Variants in SBNO2 observed in about 807,000 individuals in gnomAD.
The protein encoded by SBNO2 is strawberry notch homolog 2.
Under a neutral mutation model 146.3 loss-of-function variants are expected in SBNO2, and 89 were observed. The observed-to-expected ratio is 0.61, with a 90% confidence interval of 0.51 to 0.73. The LOEUF (loss-of-function observed/expected upper bound fraction) is 0.73, where lower values mean the gene tolerates loss of function less well. Among genes scored for constraint, SBNO2 ranks in the 30% least tolerant of loss-of-function variants. The pLI is 0.00. For missense variants in SBNO2, 2,092 were observed against 2,003.7 expected (o/e 1.04, Z -0.84); for synonymous variants, 1,147 against 892.6 (o/e 1.29, Z -5.08).
At chr19:1,164,544 G>A (rs1442209560) in intron 1 of SBNO2, among the ~76,000 whole-genome samples, 11 of 92,094 alleles carry the variant, frequency 1.2e-4, no homozygotes, top group Non-Finnish European at 1.4e-4. Context: ...AGGAGGAGGA[G>A]GAGGAGGAAC....
chr19:1,167,496 T>A (rs181042414), intron 1 of SBNO2, among the ~76,000 whole-genome samples: 1 of 152,324 alleles, frequency 6.6e-6, no homozygotes, highest in Non-Finnish European at 1.5e-5. Flanking sequence ...GAGGCCCCAC[T>A]TCCCTGCTTT....
chr19:1,160,603 C>G (rs1477217081), intron 1 of SBNO2, among the ~76,000 whole-genome samples: 8 of 152,098 alleles, frequency 5.3e-5, no homozygotes, highest in Admixed American at 5.2e-4. Flanking sequence ...GGTCTCGGCT[C>G]ACTGCAGCCT....
Position 1,163,478 on chromosome 19 carries a change from G to A in SBNO2, c.-126-9076C>T, listed in dbSNP as rs963368586. On this transcript the variant is annotated intron_variant, in intron 1 of 31. Transcript: ENST00000361757. The stretch of plus-strand genomic sequence containing the variant: ...TTTGCAGCACTGCTGCGGCCGCCAC[G>A]AGAAGCTCGTCCAGGGAGGAGGCTG... Among the ~76,000 whole-genome samples the A allele has an allele frequency of 5.3e-5, 8 of 152,350 alleles. No individual in the cohort carries two copies. The South Asian group carries it at 8.3e-4, about 16-fold the overall frequency.
At chr19:1,165,748 TCTCAGAC>T (rs139107481) in intron 1 of SBNO2, among the ~76,000 whole-genome samples, 7,005 of 50,858 alleles carry the variant, frequency 0.14, 1,290 homozygotes, top group East Asian at 0.3. Context: ...AGACCCCAGA[TCTCAGAC>T]CCCAGACCCC....
At chr19:1,127,472 G>A (rs1251234944) in intron 5 of SBNO2, 132 bp downstream of exon 5, 16 of 869,876 alleles carry the variant, frequency 1.8e-5, no homozygotes, top group Non-Finnish European at 2.2e-5. Flanking sequence ...CACAGATGGC[G>A]CCGACAGTGA....
Position 1,117,989 on chromosome 19 carries a change from A to T in SBNO2, c.1528-490T>A, listed in dbSNP as rs1599833686. Among the ~76,000 whole-genome samples the T allele has an allele frequency of 2.0e-5, 3 of 152,330 alleles. No individual in the cohort carries two copies. In the South Asian group the frequency reaches 6.2e-4, roughly 32 times the overall value. ...AGTGCTCAGGACGGCCCCACCCCGGAGAGCAACCCGGCCCTGGGGGTTACG... is the reference window on the plus strand; with the variant it reads ...AGTGCTCAGGACGGCCCCACCCCGGTGAGCAACCCGGCCCTGGGGGTTACG... On this transcript the variant is annotated intron_variant, in intron 14 of 31. Transcript: ENST00000361757.
intron 1 of SBNO2, among the ~76,000 whole-genome samples, chr19:1,170,144 C>A (rs149488973): frequency 2.6e-5 from 4 of 152,334 alleles, no homozygotes; most frequent in Admixed American, 6.5e-5. Flanking sequence ...GACGACAGAT[C>A]TAATCTCCGC....
At chr19:1,165,191 G>A (rs554908245) in intron 1 of SBNO2, among the ~76,000 whole-genome samples, 10 of 152,234 alleles carry the variant, frequency 6.6e-5, no homozygotes, top group African/African-American at 2.4e-4. Context: ...ATCTGACCCC[G>A]CCGTCAGGAG....
chr19:1,132,284 A>G (rs1448730103), intron 4 of SBNO2: 3 of 1,309,176 alleles, frequency 2.3e-6, no homozygotes, highest in Non-Finnish European at 2.9e-6. Context: ...CGGTTTAGTC[A>G]CCGCCGCCGG....
At chr19:1,149,776 G>A (rs913728241) in intron 2 of SBNO2, among the ~76,000 whole-genome samples, 10 of 152,208 alleles carry the variant, frequency 6.6e-5, no homozygotes, top group African/African-American at 2.2e-4. Flanking sequence ...TGGGGGTGCC[G>A]CTGGCCCCGG....
chr19:1,113,028 C>G, intron 19 of SBNO2, 79 bp from the exon 20 acceptor site: 1 of 1,477,458 alleles, frequency 6.8e-7, no homozygotes, highest in South Asian at 1.3e-5. Context: ...CTCAGCTTCC[C>G]TATGTCCTAC....
At chr19:1,141,938 C>A (rs1296285052) in intron 4 of SBNO2, among the ~76,000 whole-genome samples, 1 of 151,964 alleles carries the variant, frequency 6.6e-6, no homozygotes, top group Non-Finnish European at 1.5e-5. Context: ...TCAAACATGA[C>A]CTCCTGCATT....
At chr19:1,121,305 G>A (rs753006102) in intron 11 of SBNO2, among the ~76,000 whole-genome samples, 12 of 152,228 alleles carry the variant, frequency 7.9e-5, no homozygotes, top group Non-Finnish European at 1.3e-4. Context: ...GCAGCTCAGC[G>A]AGGTATGATC....
Position 1,112,958 on chromosome 19 carries a change from G to A in SBNO2, c.2248-9C>T, listed in dbSNP as rs763124490. On this transcript the variant is annotated splice_polypyrimidine_tract_variant and intron_variant, in intron 19 of 31. Transcript: ENST00000361757. The surrounding 1 kb of genome is among the most constrained non-coding windows in gnomAD (Gnocchi z 5.9). ...CCTTTCCTGCCGGTCATCTGCAGCC[G>A]AGACAGGGACAAAACCGGCCGTCAG... 1.1e-5 allele frequency: 17 copies of A among 1,556,812 alleles called. No homozygotes were observed. The highest frequency in any genetic ancestry group is 3.3e-4 in the Middle Eastern group (2 of 5,992).
rs773486482 is a variant in SBNO2 at position 1,110,775 on chromosome 19, G to T, written c.2998C>A (p.Arg1000=). 3.1e-6 allele frequency: 5 copies of T among 1,613,212 alleles called. No individual in the cohort carries two copies. The African/African-American group carries it at 4.0e-5, about 13-fold the overall frequency. Residue 1000 remains arginine, a synonymous_variant, in exon 26 of 32, where the codon CGG becomes AGG. Coordinates refer to ENST00000361757, the MANE Select transcript of SBNO2 (RefSeq NM_014963.3). This position sits in a 1 kb window ranked among gnomAD's most constrained non-coding sequence, Gnocchi z 4.9. Reference sequence around the variant, plus strand: ...ATGCCCATGTCGTATTTGCCCTCCCGCTTGTCCATCTCGATGAGGTGGTCG... The same window carrying T: ...ATGCCCATGTCGTATTTGCCCTCCCTCTTGTCCATCTCGATGAGGTGGTCG... ...TFDHLIEMDK[R]EGKYDMGILD...
At chr19:1,166,226 TC>T (rs1332552128) in intron 1 of SBNO2, among the ~76,000 whole-genome samples, 3,622 of 49,270 alleles carry the variant, frequency 0.074, 279 homozygotes, top group Middle Eastern at 0.15. Context: ...GACCCGAGAT[TC>T]CAGACCCCAG....
intron 4 of SBNO2, among the ~76,000 whole-genome samples, chr19:1,142,421 A>T (rs2080149805): frequency 6.6e-6 from 1 of 152,116 alleles, no homozygotes; most frequent in African/African-American, 2.4e-5. Context: ...CTGCCAAGAA[A>T]CTCAGGGCTC....
intron 1 of SBNO2, among the ~76,000 whole-genome samples, chr19:1,166,568 A>C (rs1304091731): frequency 6.6e-6 from 1 of 151,882 alleles, no homozygotes; most frequent in Non-Finnish European, 1.5e-5. Flanking sequence ...GCGTGAGCCC[A>C]GGAGGTGGAG....
intron 14 of SBNO2, 64 bp from the exon 15 acceptor site, chr19:1,117,563 C>A: frequency 6.7e-7 from 1 of 1,481,682 alleles, no homozygotes; most frequent in South Asian, 1.3e-5. Flanking sequence ...CGGGCCCCGG[C>A]CCACCTGCCG....
Sources: gnomAD v4.1 joint callset for allele counts (sites outside exome capture counted in the v4.1 genomes callset) on GRCh38, gnomAD v4.1.1 for gene constraint, Gnocchi (gnomAD v3.1) non-coding constraint, MANE v1.5 for transcripts, NCBI Gene and HGNC (gene_info 2026-07-23, HGNC 2026-07-21) for gene names.